The following TIA1 variants were observed in gnomAD, a reference collection of about 807,000 sequenced individuals.
TIA1 encodes TIA1 cytotoxic granule associated RNA binding protein.
In TIA1, 23 loss-of-function variants were observed where a neutral mutation model predicts 65.9. That is an observed-to-expected ratio of 0.35 (90% CI 0.25 to 0.49). The LOEUF is 0.49. Ranked by LOEUF, TIA1 falls within the 20% of genes least tolerant of loss-of-function variation. The probability of loss-of-function intolerance (pLI) is 0.98; values close to 1 mark genes in which losing one functional copy is unlikely to be tolerated. For synonymous variants in TIA1, 147 were observed against 149.4 expected, an observed-to-expected ratio of 0.98 and a Z score of 0.12; for missense variants, 371 against 477.9, an observed-to-expected ratio of 0.78 and a Z score of 2.09.
intron 2 of TIA1, among the ~76,000 whole-genome samples, chr2:70,232,093 T>G (rs1483747342): frequency 1.3e-5 from 2 of 150,298 alleles, no homozygotes; most frequent in African/African-American, 4.9e-5. Context: ...TCCCAGCTAC[T>G]CAGGAGGCTA....
At chr2:70,241,793 A>C (rs1328235101) in intron 1 of TIA1, among the ~76,000 whole-genome samples, 5 of 151,964 alleles carry the variant, frequency 3.3e-5, no homozygotes, top group African/African-American at 1.2e-4. Flanking sequence ...AATAAGAAAA[A>C]ATTAGCTGGG....
At chr2:70,220,727 GA>G (rs1421018771) in intron 7 of TIA1, among the ~76,000 whole-genome samples, 1 of 151,370 alleles carries the variant, frequency 6.6e-6, no homozygotes, top group African/African-American at 2.4e-5. Flanking sequence ...CAAAAAAGTG[GA>G]AAAAAAACAG....
chr2:70,223,884 A>AT (rs1474061163), intron 7 of TIA1, among the ~76,000 whole-genome samples: 1 of 151,278 alleles, frequency 6.6e-6, no homozygotes, highest in Non-Finnish European at 1.5e-5. Context: ...GTAATATTTA[A>AT]TTTTTTAAAA....
At chr2:70,219,738 CTT>C (rs1165514822) in intron 7 of TIA1, among the ~76,000 whole-genome samples, 73 of 105,810 alleles carry the variant, frequency 6.9e-4, no homozygotes, top group East Asian at 4.9e-3. Context: ...GGTCGCCAGG[CTT>C]TTTTTTTTTT....
intron 11 of TIA1, 137 bp downstream of exon 11, chr2:70,215,234 C>G (rs1678072548): frequency 1.8e-6 from 2 of 1,096,894 alleles, no homozygotes; most frequent in African/African-American, 3.2e-5. Flanking sequence ...CATTCTGGAA[C>G]TATAATACAT....
In TIA1 at chr2:70,224,639, GA is replaced by G; in HGVS notation, c.399-11del. The G allele has an allele frequency of 6.2e-7, 1 of 1,612,836 alleles. No individual in the cohort carries two copies. Among genetic ancestry groups the G allele is most frequent in the Non-Finnish European group, 8.5e-7 (1 of 1,179,478 alleles). On this transcript the variant is annotated splice_polypyrimidine_tract_variant and intron_variant, in intron 6 of 12. Coordinates refer to ENST00000433529, the MANE Select transcript of TIA1 (RefSeq NM_022173.4). The stretch of plus-strand genomic sequence containing the variant: ...TACCACTCGGGCATCTCTGAAATCA[GA>G]AACAATCAGAAGTTTAGGTTTGCAA...
At chr2:70,243,764 C>T (rs929810760) in intron 1 of TIA1, among the ~76,000 whole-genome samples, 1 of 152,168 alleles carries the variant, frequency 6.6e-6, no homozygotes, top group Non-Finnish European at 1.5e-5. Context: ...TGACATCATT[C>T]TCACATGCCA....
intron 6 of TIA1, chr2:70,225,467 CA>C: frequency 7.9e-7 from 1 of 1,270,546 alleles, no homozygotes; most frequent in Admixed American, 2.5e-5. Context: ...CTCCATACCT[CA>C]AAAAATTGGA....
intron 1 of TIA1, among the ~76,000 whole-genome samples, chr2:70,247,878 G>A (rs894522404): frequency 4.6e-5 from 7 of 151,970 alleles, no homozygotes; most frequent in African/African-American, 1.7e-4. Context: ...ATTGGCAACT[G>A]CAAGAATAAA....
At chr2:70,248,270 G>A (rs931292222) in intron 1 of TIA1, 135 bp downstream of exon 1, 12 of 979,326 alleles carry the variant, frequency 1.2e-5, no homozygotes, top group South Asian at 1.7e-5. Context: ...TAAGCATCCA[G>A]GTGCATGCTA....
chr2:70,213,853 T>C (rs904026926), intron 12 of TIA1, among the ~76,000 whole-genome samples: 1 of 152,168 alleles, frequency 6.6e-6, no homozygotes, highest in Admixed American at 6.5e-5. Context: ...GGTTTCGCCA[T>C]GTTGGCCAGG....
At chr2:70,248,772 A>AG (rs1431924067), upstream of TIA1, 8 of 395,170 alleles carry the variant, frequency 2.0e-5, no homozygotes, top group African/African-American at 1.0e-4. Flanking sequence ...ACCCGACGCG[A>AG]GGGACGCCTC....
chr2:70,218,853 G>A (rs1187491348), intron 7 of TIA1, among the ~76,000 whole-genome samples: 1 of 152,236 alleles, frequency 6.6e-6, no homozygotes, highest in Non-Finnish European at 1.5e-5. Flanking sequence ...GTGGCCAGGA[G>A]CATTGCAGTA....
chr2:70,220,253 G>A (rs985949003), intron 7 of TIA1, among the ~76,000 whole-genome samples: 2 of 151,958 alleles, frequency 1.3e-5, no homozygotes, highest in African/African-American at 4.8e-5. Flanking sequence ...ACAAAAAATA[G>A]AAAAATTAGC....
In TIA1 at chr2:70,214,239, C is replaced by T. The variant is rs1002391139; in HGVS notation, c.1034+110G>A. On this transcript the variant is annotated intron_variant, in intron 12 of 12. Coordinates refer to ENST00000433529, the MANE Select transcript of TIA1 (RefSeq NM_022173.4). ...TTAAGTTCTTTCAAGGCTATAGTTACGCTTTACATAAGAGGCCCTATTACC... is the reference window on the plus strand; with the variant it reads ...TTAAGTTCTTTCAAGGCTATAGTTATGCTTTACATAAGAGGCCCTATTACC... The T allele has an allele frequency of 4.8e-5, 57 of 1,192,576 alleles. 1 individual carries two copies. In the African/African-American group the frequency reaches 6.0e-4, roughly 13 times the overall value. The allele number at this position is 1,192,576 out of a possible 1,614,324, so 73.9% of individuals were successfully genotyped here. A position where few individuals can be genotyped will look rare whatever the true frequency, so the allele number is the denominator to read the frequency against.
At chr2:70,227,140 T>A (rs929145324) in intron 6 of TIA1, among the ~76,000 whole-genome samples, 1 of 152,164 alleles carries the variant, frequency 6.6e-6, no homozygotes, top group Non-Finnish European at 1.5e-5. Context: ...AATTTTAAAG[T>A]TCTTCTATGA....
rs1254426258 is a variant in TIA1 at position 70,236,132 on chromosome 2, G to A, written c.70C>T (p.Leu24=). The A allele has an allele frequency of 2.5e-6, 4 of 1,612,144 alleles. No homozygotes were observed. The highest frequency in any genetic ancestry group is 2.2e-5 in the East Asian group (1 of 44,826). Residue 24 remains leucine, a synonymous_variant, in exon 2 of 13, where the codon CTG becomes TTG. Coordinates refer to ENST00000433529, the MANE Select transcript of TIA1 (RefSeq NM_022173.4). ...LSRDVTEALI[L]QLFSQIGPCK... Reference sequence around the variant, plus strand: ...GGTCCAATCTGGCTAAAGAGTTGCAGAATTAGAGCTTCTGTCACATCTCTG... The same window carrying A: ...GGTCCAATCTGGCTAAAGAGTTGCAAAATTAGAGCTTCTGTCACATCTCTG...
chr2:70,223,007 C>T (rs1240881252), intron 7 of TIA1, among the ~76,000 whole-genome samples: 2 of 152,222 alleles, frequency 1.3e-5, no homozygotes, highest in African/African-American at 4.8e-5. Context: ...AGAGGCCATA[C>T]ACAGGTTATC....
At chr2:70,235,483 T>C (rs1224520088) in intron 2 of TIA1, among the ~76,000 whole-genome samples, 1 of 152,038 alleles carries the variant, frequency 6.6e-6, no homozygotes, top group Non-Finnish European at 1.5e-5. Context: ...GGGTAAATGT[T>C]CCCTAAATGT....
Sources: gnomAD v4.1 joint callset for allele counts (sites outside exome capture counted in the v4.1 genomes callset) on GRCh38, gnomAD v4.1.1 for gene constraint, MANE v1.5 for transcripts, NCBI Gene and HGNC (gene_info 2026-07-23, HGNC 2026-07-21) for gene names.